TRPC5: variants seen among roughly 807,000 people sequenced by gnomAD.
The protein encoded by TRPC5 is short transient receptor potential channel 5.
Under a neutral mutation model 56.5 loss-of-function variants are expected in TRPC5, and 9 were observed. The ratio of observed to expected loss-of-function variants is 0.16; its 90% CI spans 0.10 to 0.28. The LOEUF (loss-of-function observed/expected upper bound fraction) is 0.28. TRPC5 is among the 10% of genes least tolerant of loss of function. The pLI, the probability that TRPC5 is intolerant of heterozygous loss-of-function variation, is 1.00. For missense variants in TRPC5, 469 were observed against 748.9 expected, an observed-to-expected ratio of 0.63 and a Z score of 4.36; for synonymous variants, 282 against 278.5, an observed-to-expected ratio of 1.01 and a Z score of -0.13.
intron 7 of TRPC5, among the ~76,000 whole-genome samples, chrX:111,824,812 T>G (rs1022637487): frequency 3.3e-4 from 37 of 112,099 alleles, no homozygotes; most frequent in Admixed American, 1.0e-3. Flanking sequence ...GTTGAAAAGA[T>G]AGTTTCCTGG....
intron 6 of TRPC5, among the ~76,000 whole-genome samples, chrX:111,841,377 A>G (rs1471707607): frequency 2.7e-5 from 3 of 112,033 alleles, no homozygotes; most frequent in Non-Finnish European, 3.8e-5. Flanking sequence ...TGGAGCTTGT[A>G]TGCCTAGATT....
chrX:111,909,152 TA>T (rs1170515112), intron 3 of TRPC5, among the ~76,000 whole-genome samples: 7,222 of 34,069 alleles, frequency 0.21, 582 homozygotes, highest in African/African-American at 0.3. Flanking sequence ...ATAAATTAAT[TA>T]AAAAAAAAAA....
intron 1 of TRPC5, among the ~76,000 whole-genome samples, chrX:112,038,948 C>T (rs1364914200): frequency 9.2e-6 from 1 of 108,141 alleles, no homozygotes; most frequent in Non-Finnish European, 1.9e-5. Flanking sequence ...CTTTGGCTTC[C>T]CAAAGTGCTG....
At chrX:111,963,157 T>C (rs1189698341) in intron 1 of TRPC5, among the ~76,000 whole-genome samples, 2 of 112,051 alleles carry the variant, frequency 1.8e-5, no homozygotes, top group Non-Finnish European at 3.8e-5. Context: ...GCTTAAAAAA[T>C]GGCACACCAG....
intron 1 of TRPC5, among the ~76,000 whole-genome samples, chrX:112,056,082 A>G: frequency 9.0e-6 from 1 of 111,584 alleles, no homozygotes; most frequent in Admixed American, 9.5e-5. Flanking sequence ...ACTAATCCAT[A>G]TTGACCCTTT....
At chrX:111,860,115 A>G (rs1923358476) in intron 3 of TRPC5, among the ~76,000 whole-genome samples, 1 of 112,270 alleles carries the variant, frequency 8.9e-6, no homozygotes, top group Non-Finnish European at 1.9e-5. Flanking sequence ...TCACCGTGTT[A>G]GCCAGGATGG....
intron 3 of TRPC5, among the ~76,000 whole-genome samples, chrX:111,863,063 G>GC (rs1424908764): frequency 1.8e-5 from 2 of 111,803 alleles, no homozygotes; most frequent in Non-Finnish European, 3.8e-5. Flanking sequence ...TTTTCATGAT[G>GC]TATGAATCAG....
At chrX:112,028,712 T>G (rs774416304) in intron 1 of TRPC5, among the ~76,000 whole-genome samples, 5 of 112,431 alleles carry the variant, frequency 4.4e-5, no homozygotes, top group African/African-American at 1.6e-4. Context: ...TCTTTGCTAT[T>G]GTGAATAGTG....
Position 111,827,334 on chromosome X carries a change from G to A in TRPC5, c.1896+7587C>T, listed in dbSNP as rs368905120. On this transcript the variant is annotated intron_variant, in intron 7 of 10. Coordinates refer to ENST00000262839, the MANE Select transcript of TRPC5 (RefSeq NM_012471.3). ...AGCTTTAGATACTATGCGTATGCTG[G>A]TAACTCTCAAATCTCTATTGCCAGC... Among the ~76,000 whole-genome samples the A allele has an allele frequency of 3.6e-5, 4 of 110,621 alleles. No homozygotes were observed. The East Asian group carries it at 8.6e-4, about 24-fold the overall frequency.
At chrX:111,791,589 C>A (rs751776742) in intron 7 of TRPC5, among the ~76,000 whole-genome samples, 2 of 112,225 alleles carry the variant, frequency 1.8e-5, no homozygotes, top group East Asian at 5.6e-4. Context: ...TCCAACATGA[C>A]CATCCAAGGG....
At chrX:111,921,970 A>C (rs898431502) in intron 2 of TRPC5, among the ~76,000 whole-genome samples, 1 of 112,390 alleles carries the variant, frequency 8.9e-6, no homozygotes, top group Non-Finnish European at 1.9e-5. Flanking sequence ...CAATGCAGCG[A>C]ATAGATTGAG....
At position 111,776,872 on chromosome X, in the gene TRPC5, C is replaced by T. The variant is rs1322164342; in HGVS notation, c.2363G>A (p.Gly788Asp). ...SQRDDNNDGS[G>D]GARAKSKSVS... ...ACTCTTGGATTTGGCCCGAGCCCCA[C>T]CACTGCCATCATTATTATCGTCTCT... Residue 788 changes from glycine to aspartate, a missense_variant, in exon 11 of 11, where the codon GGT becomes GAT. Transcript: ENST00000262839. 1 of 1,211,578 alleles carries T rather than the reference C, an allele frequency of 8.3e-7. No homozygotes were observed.
chrX:111,964,389 G>C (rs1322567084), intron 1 of TRPC5, among the ~76,000 whole-genome samples: 1 of 112,228 alleles, frequency 8.9e-6, no homozygotes, highest in Non-Finnish European at 1.9e-5. Flanking sequence ...AACCAAGTTG[G>C]AAAACACTCT....
intron 1 of TRPC5, among the ~76,000 whole-genome samples, chrX:112,079,674 G>A (rs894601920): frequency 1.8e-5 from 2 of 111,697 alleles, no homozygotes; most frequent in African/African-American, 3.3e-5. Context: ...GTGGTTCTGC[G>A]TGCCATTCCG....
chrX:111,866,437 A>T (rs1386682133), intron 3 of TRPC5, among the ~76,000 whole-genome samples: 1 of 113,240 alleles, frequency 8.8e-6, no homozygotes, highest in Non-Finnish European at 1.9e-5. Context: ...TTTTCTTCAC[A>T]AATGAGCTAG....
chrX:111,986,981 T>C (rs1397777761), intron 1 of TRPC5, among the ~76,000 whole-genome samples: 1 of 111,774 alleles, frequency 8.9e-6, no homozygotes, highest in Non-Finnish European at 1.9e-5. Context: ...TTTCTTTCTC[T>C]ATTGTATCTA....
At position 111,775,436 on chromosome X, in the gene TRPC5, T is replaced by C. The variant is rs1945869629; in HGVS notation, c.*877A>G. On this transcript the variant is annotated 3_prime_UTR_variant, in exon 11 of 11. Coordinates refer to ENST00000262839, the MANE Select transcript of TRPC5 (RefSeq NM_012471.3). The stretch of plus-strand genomic sequence containing the variant: ...CAACAGTAGAATAGGACCCAACAAA[T>C]ATGACAACTATTTATCTTGCCAATG... 1 of 112,078 alleles carries C rather than the reference T, an allele frequency of 8.9e-6. No homozygotes were observed. The highest frequency in any genetic ancestry group is 3.7e-4 in the South Asian group (1 of 2,704). 9.2% of individuals were successfully genotyped at this position (112,078 alleles called of 1,213,427 possible).
In TRPC5 at chrX:112,014,866, A is replaced by T. The variant is rs149657550; in HGVS notation, c.-21-62425T>A. On this transcript the variant is annotated intron_variant, in intron 1 of 10. Coordinates refer to ENST00000262839, the MANE Select transcript of TRPC5 (RefSeq NM_012471.3). ...TAGAATTACCTGGGTAGCTTTGAAA[A>T]AATACTAATGCCTAGGCCCCATACC... is the stretch of plus-strand genomic sequence containing the variant. Among the ~76,000 whole-genome samples the T allele has an allele frequency of 8.9e-4, 99 of 111,474 alleles. 2 individuals are homozygous for T. The East Asian group carries it at 0.027, about 30-fold the overall frequency.
chrX:112,021,433 C>G (rs1019006277), intron 1 of TRPC5, among the ~76,000 whole-genome samples: 1 of 111,985 alleles, frequency 8.9e-6, no homozygotes, highest in African/African-American at 3.2e-5. Flanking sequence ...CCCTACTAAC[C>G]AGTGGTACAA....
Sources: allele counts gnomAD v4.1 joint callset (sites outside exome capture counted in the v4.1 genomes callset), GRCh38; gene constraint gnomAD v4.1.1; transcripts MANE v1.5; gene names NCBI Gene and HGNC (gene_info 2026-07-23, HGNC 2026-07-21).